NHS: variants seen among roughly 807,000 people sequenced by gnomAD.
NHS encodes the protein NHS actin remodeling regulator.
In NHS, 5 loss-of-function variants were observed where a neutral mutation model predicts 72.5. That is an observed-to-expected ratio of 0.07 (90% CI 0.04 to 0.14). The LOEUF (loss-of-function observed/expected upper bound fraction) is 0.14. Among genes scored for constraint, NHS ranks in the 10% least tolerant of loss-of-function variants. The pLI is 1.00. For missense variants in NHS, 1,072 were observed against 1,355.7 expected (o/e 0.79, Z 3.29); for synonymous variants, 464 against 547.7 (o/e 0.85, Z 2.13).
intron 6 of NHS, 38 bp downstream of exon 6, chrX:17,724,468 C>T (rs779752720): frequency 1.2e-5 from 14 of 1,200,505 alleles, no homozygotes; most frequent in African/African-American, 3.5e-5. Context: ...AACATTCCTC[C>T]GCCTAGTACA....
At chrX:17,637,187 A>G (rs2065854436) in intron 1 of NHS, among the ~76,000 whole-genome samples, 1 of 111,992 alleles carries the variant, frequency 8.9e-6, no homozygotes, top group African/African-American at 3.2e-5. Context: ...TTCAGGAGAG[A>G]GCGTCCAACA....
At chrX:17,595,551 G>T (rs2065620888) in intron 1 of NHS, among the ~76,000 whole-genome samples, 1 of 111,713 alleles carries the variant, frequency 9.0e-6, no homozygotes, top group African/African-American at 3.3e-5. Flanking sequence ...TACTTAACCT[G>T]GGGTCAAGGT....
At chrX:17,704,082 A>G (rs1228578269) in intron 3 of NHS, among the ~76,000 whole-genome samples, 5 of 110,840 alleles carry the variant, frequency 4.5e-5, no homozygotes, top group African/African-American at 1.6e-4. Flanking sequence ...TGGGCAAGCC[A>G]CCTAGAACAC....
intron 1 of NHS, among the ~76,000 whole-genome samples, chrX:17,526,592 C>A (rs2065174641): frequency 8.9e-6 from 1 of 111,836 alleles, no homozygotes; most frequent in Non-Finnish European, 1.9e-5. Flanking sequence ...CTTACAAGGT[C>A]TCATTGCAAA....
chrX:17,430,273 TTC>T (rs1244608653), intron 1 of NHS, among the ~76,000 whole-genome samples: 1 of 76,066 alleles, frequency 1.3e-5, no homozygotes, highest in African/African-American at 5.4e-5. Flanking sequence ...CTTTCTTTCT[TTC>T]TTTCTTTCTT....
intron 3 of NHS, among the ~76,000 whole-genome samples, chrX:17,712,393 C>CACATATAT (rs1301774080): frequency 1.2e-5 from 1 of 81,440 alleles, no homozygotes; most frequent in African/African-American, 5.2e-5. Flanking sequence ...CACACACACA[C>CACATATAT]ATATATATAT....
chrX:17,589,267 C>A (rs1391192884), intron 1 of NHS, among the ~76,000 whole-genome samples: 4 of 111,511 alleles, frequency 3.6e-5, no homozygotes, highest in African/African-American at 1.3e-4. Context: ...ATCACCTGAG[C>A]AGTATATACT....
intron 1 of NHS, among the ~76,000 whole-genome samples, chrX:17,392,512 C>CT (rs2064449970): frequency 8.9e-6 from 1 of 111,889 alleles, no homozygotes; most frequent in African/African-American, 3.3e-5. Flanking sequence ...GCAGAGTTTT[C>CT]TTTTTTGAGA....
intron 1 of NHS, among the ~76,000 whole-genome samples, chrX:17,645,344 A>AC (rs2147079715): frequency 8.9e-6 from 1 of 112,049 alleles, no homozygotes; most frequent in Non-Finnish European, 1.9e-5. Context: ...AACTCTAAAC[A>AC]CCATCTGTAG....
chrX:17,427,043 G>C (rs192366649), intron 1 of NHS, among the ~76,000 whole-genome samples: 4 of 111,993 alleles, frequency 3.6e-5, no homozygotes, highest in African/African-American at 1.3e-4. Flanking sequence ...TGGCATGCTC[G>C]GCCTGGCTGA....
At position 17,447,805 on chromosome X, in the gene NHS, A is replaced by ACG. The variant is rs1349802195; in HGVS notation, c.565+71484_565+71485insGC. Among the ~76,000 whole-genome samples, 125 of 109,852 alleles carry ACG rather than the reference A, an allele frequency of 1.1e-3. 1 individual carries two copies. Among genetic ancestry groups the ACG allele is most frequent in the African/African-American group, 3.8e-3 (116 of 30,190 alleles). ...CACACGCACACACACACACACACACACACACACACACACAGAGGATTTTCT... is the reference window on the plus strand; with the variant it reads ...CACACGCACACACACACACACACACACGCACACACACACACAGAGGATTTTCT... On this transcript the variant is annotated intron_variant, in intron 1 of 8. Coordinates refer to ENST00000676302, the MANE Select transcript of NHS (RefSeq NM_001291867.2).
At position 17,455,473 on chromosome X, in the gene NHS, C is replaced by G. The variant is rs777083154; in HGVS notation, c.565+79151C>G. 3.6e-5 allele frequency among the ~76,000 whole-genome samples: 4 copies of G among 112,010 alleles called. No homozygotes were observed. In the East Asian group the frequency reaches 1.1e-3, roughly 32 times the overall value. ...TGTACATAGTCTCATTTAGCTCCAA[C>G]AACCATACTCAATTGAACATAGGCA... is the stretch of plus-strand genomic sequence containing the variant. On this transcript the variant is annotated intron_variant, in intron 1 of 8. Coordinates refer to ENST00000676302, the MANE Select transcript of NHS (RefSeq NM_001291867.2).
rs398124609 is a variant in NHS at position 17,731,933 on chromosome X, C to CAGT, written c.4428_4430dup (p.Ser1480dup). On this transcript the variant is annotated inframe_insertion, in exon 9 of 9. Transcript: ENST00000676302. ...GAAGCAAATCGAGAGCTCCCCTCAGCAGTAGCAGCAGCAGCGCCAGTTCCA... is the reference window on the plus strand; with the variant it reads ...GAAGCAAATCGAGAGCTCCCCTCAGCAGTAGTAGCAGCAGCAGCGCCAGTTCCA... The CAGT allele has an allele frequency of 7.4e-5, 90 of 1,209,646 alleles. 1 individual carries two copies. In the South Asian group the frequency reaches 1.5e-3, roughly 20 times the overall value.
Position 17,385,999 on chromosome X carries a change from C to T in NHS, c.565+9677C>T, listed in dbSNP as rs2064405995. Reference sequence around the variant, plus strand: ...TCCCAAATGGCAGCTCATCTGGTTTCCATGCCCTCTGAGACTCCAGGGAGT... The same window carrying T: ...TCCCAAATGGCAGCTCATCTGGTTTTCATGCCCTCTGAGACTCCAGGGAGT... On this transcript the variant is annotated intron_variant, in intron 1 of 8. Transcript: ENST00000676302. Among the ~76,000 whole-genome samples, 3 of 111,790 alleles carry T rather than the reference C, an allele frequency of 2.7e-5. No homozygotes were observed. The South Asian group carries it at 1.1e-3, about 42-fold the overall frequency.
chrX:17,567,690 G>A (rs1482635948), intron 1 of NHS, among the ~76,000 whole-genome samples: 1 of 109,308 alleles, frequency 9.1e-6, no homozygotes, highest in Non-Finnish European at 1.9e-5. Context: ...AAGAGAGAGG[G>A]GGAGGAAGAG....
intron 1 of NHS, among the ~76,000 whole-genome samples, chrX:17,529,509 C>T (rs1353467644): frequency 1.8e-5 from 2 of 111,651 alleles, no homozygotes; most frequent in African/African-American, 6.5e-5. Flanking sequence ...GTTTGGCTAA[C>T]ACTGCAATGC....
chrX:17,404,800 T>A (rs1444169959), intron 1 of NHS, among the ~76,000 whole-genome samples: 2 of 105,439 alleles, frequency 1.9e-5, no homozygotes, highest in African/African-American at 7.5e-5. Flanking sequence ...CCCGTAACAC[T>A]CTGTCTCTCT....
chrX:17,584,500 C>T (rs1041175683), intron 1 of NHS, among the ~76,000 whole-genome samples: 8 of 112,016 alleles, frequency 7.1e-5, no homozygotes, highest in African/African-American at 9.7e-5. Flanking sequence ...TTGCAAAAGG[C>T]GGTGGCATCA....
chrX:17,632,272 TCA>T (rs1280837374), intron 1 of NHS, among the ~76,000 whole-genome samples: 2 of 111,691 alleles, frequency 1.8e-5, no homozygotes, highest in African/African-American at 6.5e-5. Context: ...TTGGTGAAGT[TCA>T]CACACTTTAT....
Sources: allele counts gnomAD v4.1 joint callset (sites outside exome capture counted in the v4.1 genomes callset), GRCh38; gene constraint gnomAD v4.1.1; transcripts MANE v1.5; gene names NCBI Gene and HGNC (gene_info 2026-07-23, HGNC 2026-07-21).